EPG5: variants seen among roughly 807,000 people sequenced by gnomAD.
EPG5 encodes the protein ectopic P-granules 5 autophagy tethering factor.
EPG5 carries 159 observed loss-of-function variants against 302.7 expected under a neutral mutation model. That is an observed-to-expected ratio of 0.53 (90% CI 0.46 to 0.60). The LOEUF (loss-of-function observed/expected upper bound fraction) is 0.60. Among genes scored for constraint, EPG5 ranks in the 20% least tolerant of loss-of-function variants. The pLI is 0.00. For missense variants in EPG5, 2,896 were observed against 3,092.4 expected, an observed-to-expected ratio of 0.94 and a Z score of 1.51; for synonymous variants, 1,158 against 1,136.8, an observed-to-expected ratio of 1.02 and a Z score of -0.37.
the EPG5 span, among the ~76,000 whole-genome samples, chr18:45,834,169 G>T: frequency 2.6e-3 from 395 of 152,230 alleles, 1 homozygote; most frequent in Middle Eastern, 0.01. Flanking sequence ...TCTCTCAAGG[G>T]TTCTCCAATC....
intron 27 of EPG5, among the ~76,000 whole-genome samples, chr18:45,892,902 A>G (rs2049383991): frequency 6.6e-6 from 1 of 152,252 alleles, no homozygotes; most frequent in South Asian, 2.1e-4. Context: ...GTCATTTCCC[A>G]TAAAGCTAAT....
Position 45,916,194 on chromosome 18 carries a change from C to T in EPG5, c.3397G>A (p.Val1133Ile). Residue 1133 changes from valine (V) to isoleucine (I), a missense_variant, in exon 19 of 44, where the codon GTA becomes ATA. By Grantham distance (29) the Val-to-Ile change is conservative (BLOSUM62 3). Coordinates refer to ENST00000282041, the MANE Select transcript of EPG5 (RefSeq NM_020964.3). ...CCCACTTCATTGGGCTGAGTGCTTA[C>T]AGATATGTGTGCCTGTGGAGAAAAG... ...LNSMIQAHIS[V>I]STQPNEVGPV... 1 of 1,612,006 alleles carries T rather than the reference C, an allele frequency of 6.2e-7. No homozygotes were observed. Among genetic ancestry groups the T allele is most frequent in the Non-Finnish European group, 8.5e-7 (1 of 1,179,354 alleles).
At chr18:45,855,121 G>C (rs369254808) in intron 43 of EPG5, among the ~76,000 whole-genome samples, 1 of 152,184 alleles carries the variant, frequency 6.6e-6, no homozygotes, top group East Asian at 1.9e-4. Context: ...GGTTATTCTA[G>C]CATCAGCCAA....
At chr18:45,861,423 T>G (rs760837098) in intron 39 of EPG5, among the ~76,000 whole-genome samples, 1 of 152,228 alleles carries the variant, frequency 6.6e-6, no homozygotes, top group Non-Finnish European at 1.5e-5. Context: ...GTCTCTCCCA[T>G]TCCTGTTCAT....
intron 25 of EPG5, among the ~76,000 whole-genome samples, 173 bp from the exon 26 acceptor site, chr18:45,901,340 C>T (rs1380640346): frequency 6.6e-6 from 1 of 152,138 alleles, no homozygotes; most frequent in Non-Finnish European, 1.5e-5. Context: ...CCTTGCATGA[C>T]ATGCTAACAA....
At chr18:45,965,829 G>A (rs1599669615) in intron 1 of EPG5, among the ~76,000 whole-genome samples, 1 of 151,938 alleles carries the variant, frequency 6.6e-6, no homozygotes, top group African/African-American at 2.4e-5. Flanking sequence ...CAAGATGGGC[G>A]GATCACCTGA....
At chr18:45,840,111 TTCC>T in the EPG5 span, 72 of 1,372,000 alleles carry the variant, frequency 5.2e-5, no homozygotes, top group South Asian at 9.0e-4. Flanking sequence ...AAACAGTGGT[TTCC>T]TCGAGACCCC....
intron 14 of EPG5, among the ~76,000 whole-genome samples, chr18:45,924,096 A>G (rs1490043233): frequency 1.3e-5 from 2 of 152,170 alleles, no homozygotes; most frequent in East Asian, 3.9e-4. Flanking sequence ...TTCTATCATT[A>G]GTTACAATAA....
intron 36 of EPG5, 164 bp from the exon 37 acceptor site, chr18:45,867,912 A>C: frequency 1.4e-6 from 1 of 697,024 alleles, no homozygotes; most frequent in Non-Finnish European, 2.6e-6. Flanking sequence ...TATTTGTAAT[A>C]TCTTTCCTTC....
At position 45,904,038 on chromosome 18, in the gene EPG5, T is replaced by C; in HGVS notation, c.4409A>G (p.Lys1470Arg). 1 of 1,613,466 alleles carries C rather than the reference T, an allele frequency of 6.2e-7. No individual in the cohort carries two copies. The highest frequency in any genetic ancestry group is 2.2e-5 in the East Asian group (1 of 44,812). ...QETVGLWTQA[K>R]LESHSTPCSL... The stretch of plus-strand genomic sequence containing the variant: ...GCAGGGTGTGGAATGGGACTCAAGC[T>C]TGGCCTGTGTCCACAGACCAACAGT... Residue 1470 changes from lysine to arginine, a missense_variant, in exon 25 of 44, where the codon AAG (lysine) becomes AGG (arginine). Coordinates refer to ENST00000282041, the MANE Select transcript of EPG5 (RefSeq NM_020964.3).
chr18:45,826,881 G>A, the EPG5 span, among the ~76,000 whole-genome samples: 1 of 152,102 alleles, frequency 6.6e-6, no homozygotes, highest in African/African-American at 2.4e-5. Context: ...ACTCACATAA[G>A]GCTGAAAACC....
rs967953486 is a variant in EPG5, at chr18:45,879,979, A to G, written c.5667+96T>C. 10 of 1,362,848 alleles carry G rather than the reference A, an allele frequency of 7.3e-6. No homozygotes were observed. The African/African-American group carries it at 1.5e-4, about 20-fold the overall frequency. The allele number at this position is 1,362,848 out of a possible 1,614,324, so 84.4% of individuals were successfully genotyped here. A position where few individuals can be genotyped will look rare whatever the true frequency, so the allele number is the denominator to read the frequency against. On this transcript the variant is annotated intron_variant, in intron 32 of 43. Coordinates refer to ENST00000282041, the MANE Select transcript of EPG5 (RefSeq NM_020964.3). The stretch of plus-strand genomic sequence containing the variant: ...ACACAAAGAAAAACACATGGCTCTT[A>G]AAGATAATGCACAAGTTTTCCAACT...
At position 45,954,791 on chromosome 18, in the gene EPG5, T is replaced by C. The variant is rs749123170; in HGVS notation, c.611A>G (p.Lys204Arg). ...NVGLQSSCPA[K>R]HGFQTPRVKK... ...CACTCTAGGTGTCTGAAAACCATGT[T>C]TGGCTGGGCAAGAACTCTGCAAGCC... The change falls in exon 2 of 44, where the codon AAA (lysine) becomes AGA (arginine). Residue 204 changes from lysine to arginine, a missense_variant. Physicochemically the swap from Lys to Arg is conservative, Grantham distance 26. Transcript: ENST00000282041. 9.3e-6 allele frequency: 15 copies of C among 1,613,862 alleles called. No individual in the cohort carries two copies. Among genetic ancestry groups the C allele is most frequent in the East Asian group, 2.2e-5 (1 of 44,898 alleles).
In EPG5 at chr18:45,866,949, T is replaced by C. The variant is rs766994492; in HGVS notation, c.6470A>G (p.Asp2157Gly). The C allele has an allele frequency of 1.9e-6, 3 of 1,613,964 alleles. No individual in the cohort carries two copies. The highest frequency in any genetic ancestry group is 2.5e-6 in the Non-Finnish European group (3 of 1,180,024). ...TAGCACACTCTGGTACGACACAATA[T>C]CCACAAGATGCCATGAAAGTGAGCT... is the stretch of plus-strand genomic sequence containing the variant. ...QTSSLSWHLV[D>G]IVSYQSVLSY... is the part of the protein sequence containing the mutation. The change falls in exon 38 of 44, where the codon GAT (aspartate) becomes GGT (glycine). Residue 2157 changes from aspartate (D) to glycine (G), a missense_variant. Physicochemically the swap from Asp to Gly is moderately conservative, Grantham distance 94. This residue lies in a region of EPG5 where 620 missense variants were observed against 704.2 expected (regional missense o/e 0.88). Coordinates refer to ENST00000282041, the MANE Select transcript of EPG5 (RefSeq NM_020964.3).
chr18:45,860,223 C>T lies in EPG5; in HGVS notation c.6890G>A (p.Gly2297Asp). Reference sequence around the variant, plus strand: ...CACCACCAGCCCATGCATTTTTTGGCCAATCCAGGTCCGGATACTGCCCCG... The same window carrying T: ...CACCACCAGCCCATGCATTTTTTGGTCAATCCAGGTCCGGATACTGCCCCG... Reference protein sequence around the residue: ...FLRGSIRTWIGQKMHGLVVLP... With the variant: ...FLRGSIRTWIDQKMHGLVVLP... Residue 2297 changes from glycine to aspartate, a missense_variant, in exon 40 of 44, where the codon GGC becomes GAC. By Grantham distance (94) the Gly-to-Asp change is moderately conservative. Around this residue, in one of 5 missense-constraint regions of EPG5, gnomAD observed 620 missense variants for 704.2 expected, o/e 0.88. Transcript: ENST00000282041. 1 of 1,614,246 alleles carries T rather than the reference C, an allele frequency of 6.2e-7. No individual in the cohort carries two copies. Among genetic ancestry groups the T allele is most frequent in the Non-Finnish European group, 8.5e-7 (1 of 1,180,036 alleles).
chr18:45,802,294 G>A, the EPG5 span, among the ~76,000 whole-genome samples: 6 of 152,300 alleles, frequency 3.9e-5, no homozygotes, highest in African/African-American at 1.4e-4. Context: ...GCCGAGGCAG[G>A]TGGATCATTT....
rs369257973 is a variant in EPG5 at position 45,915,005 on chromosome 18, G to A, written c.3693+506C>T. Among the ~76,000 whole-genome samples the A allele has an allele frequency of 1.6e-4, 24 of 151,412 alleles. No individual in the cohort carries two copies. In the South Asian group the frequency reaches 2.3e-3, roughly 14 times the overall value. ...AAAAAAGAAACAACTCAGGCAGGGC[G>A]CGGTGGCTCACACCTGTAATCCCAG... On this transcript the variant is annotated intron_variant, in intron 20 of 43. Transcript: ENST00000282041.
chr18:45,909,002 C>A (rs571485164), intron 23 of EPG5, among the ~76,000 whole-genome samples: 9 of 151,956 alleles, frequency 5.9e-5, no homozygotes, highest in Non-Finnish European at 1.5e-5. Flanking sequence ...AAATACAATA[C>A]TTCCTTCATT....
At chr18:45,828,472 C>T in the EPG5 span, among the ~76,000 whole-genome samples, 1 of 152,138 alleles carries the variant, frequency 6.6e-6, no homozygotes, top group African/African-American at 2.4e-5. Flanking sequence ...GAACACTGGT[C>T]TGGGAGCTCC....
Sources: allele counts gnomAD v4.1 joint callset (sites outside exome capture counted in the v4.1 genomes callset), GRCh38; gene constraint gnomAD v4.1.1; regional missense constraint gnomAD v4.1.1; transcripts MANE v1.5; gene names NCBI Gene and HGNC (gene_info 2026-07-23, HGNC 2026-07-21).